PDE4B: variants seen among roughly 807,000 people sequenced by gnomAD.
PDE4B encodes phosphodiesterase 4B.
Under a neutral mutation model 82.2 loss-of-function variants are expected in PDE4B, and 20 were observed. The ratio of observed to expected loss-of-function variants is 0.24; its 90% confidence interval spans 0.17 to 0.35. PDE4B has a LOEUF of 0.35. PDE4B is among the 10% of genes least tolerant of loss of function. The pLI is 1.00. For synonymous variants in PDE4B, 320 were observed against 318.9 expected, an observed-to-expected ratio of 1.00 and a Z score of -0.04; for missense variants, 655 against 907.2, an observed-to-expected ratio of 0.72 and a Z score of 3.57.
At chr1:66,345,068 G>A (rs492040) in intron 8 of PDE4B, among the ~76,000 whole-genome samples, 2,000 of 152,192 alleles carry the variant, frequency 0.013, 33 homozygotes, top group African/African-American at 0.046. Context: ...CTGTGTTCTC[G>A]TATGACACTC....
intron 1 of PDE4B, among the ~76,000 whole-genome samples, chr1:65,801,463 A>G (rs1645694042): frequency 6.6e-6 from 1 of 152,174 alleles, no homozygotes; most frequent in Non-Finnish European, 1.5e-5. Context: ...CTACAGATCT[A>G]TGTAATTACT....
At chr1:66,363,907 A>T (rs1048825648) in intron 12 of PDE4B, among the ~76,000 whole-genome samples, 3 of 152,224 alleles carry the variant, frequency 2.0e-5, no homozygotes, top group Non-Finnish European at 4.4e-5. Flanking sequence ...AGCTATTTAT[A>T]AAAAATGAAT....
At chr1:66,189,937 G>T (rs999183971) in intron 3 of PDE4B, among the ~76,000 whole-genome samples, 7 of 152,214 alleles carry the variant, frequency 4.6e-5, no homozygotes, top group Middle Eastern at 3.4e-3. Flanking sequence ...CAGTTTTTCT[G>T]CTCTGTTTTT....
At chr1:66,117,129 A>G (rs1443788155) in intron 3 of PDE4B, among the ~76,000 whole-genome samples, 2 of 152,206 alleles carry the variant, frequency 1.3e-5, no homozygotes, top group Admixed American at 6.5e-5. Context: ...AGAAAAACAG[A>G]CATTCAGGAA....
intron 3 of PDE4B, among the ~76,000 whole-genome samples, chr1:66,205,609 T>A (rs1262563963): frequency 6.6e-6 from 1 of 152,244 alleles, no homozygotes; most frequent in African/African-American, 2.4e-5. Context: ...TTATTCACTC[T>A]CACAATAGAA....
chr1:66,164,347 C>G (rs1646676341), intron 3 of PDE4B, among the ~76,000 whole-genome samples: 1 of 151,546 alleles, frequency 6.6e-6, no homozygotes, highest in South Asian at 2.1e-4. Context: ...CCAGCCTGGC[C>G]AACATGGTGA....
Position 66,007,866 on chromosome 1 carries a change from A to G in PDE4B, c.281+89031A>G, listed in dbSNP as rs780091360. The stretch of plus-strand genomic sequence containing the variant: ...AGTTGAGACTCAGGAAGGTCGATTA[A>G]TTGATACCAGGTAAACAAGCTACAA... On this transcript the variant is annotated intron_variant, in intron 3 of 16. Coordinates refer to ENST00000341517, the MANE Select transcript of PDE4B (RefSeq NM_002600.4). Among the ~76,000 whole-genome samples the G allele has an allele frequency of 2.0e-5, 3 of 152,298 alleles. No individual in the cohort carries two copies. The East Asian group carries it at 5.8e-4, about 29-fold the overall frequency.
At chr1:66,201,134 A>G (rs1350507122) in intron 3 of PDE4B, among the ~76,000 whole-genome samples, 1 of 152,146 alleles carries the variant, frequency 6.6e-6, no homozygotes, top group African/African-American at 2.4e-5. Flanking sequence ...TTCTGTTTAT[A>G]TGCTGGATTA....
In PDE4B at chr1:66,113,904, C is replaced by T. The variant is rs80128650; in HGVS notation, c.282-133556C>T. Among the ~76,000 whole-genome samples, 1,485 of 152,280 alleles carry T rather than the reference C, an allele frequency of 9.8e-3. 33 individuals are homozygous for T. The highest frequency in any genetic ancestry group is 0.034 in the African/African-American group (1,418 of 41,556). The stretch of plus-strand genomic sequence containing the variant: ...CTTAAGCTAGGCTCTGTGCTAAGAA[C>T]ATTATGTGCATAAGGTCATTTAATC... On this transcript the variant is annotated intron_variant, in intron 3 of 16. Transcript: ENST00000341517.
chr1:65,903,095 T>C (rs180947847), intron 1 of PDE4B, among the ~76,000 whole-genome samples: 1 of 152,318 alleles, frequency 6.6e-6, no homozygotes, highest in Non-Finnish European at 1.5e-5. Context: ...AGACATTTTA[T>C]GGAAGTGGGT....
chr1:66,180,334 A>G (rs936336787), intron 3 of PDE4B, among the ~76,000 whole-genome samples: 2 of 152,256 alleles, frequency 1.3e-5, no homozygotes, highest in Non-Finnish European at 2.9e-5. Flanking sequence ...ACATCAGGAA[A>G]GTAAAGTTAG....
intron 3 of PDE4B, among the ~76,000 whole-genome samples, chr1:65,968,818 G>A (rs1649983848): frequency 6.6e-6 from 1 of 152,002 alleles, no homozygotes; most frequent in African/African-American, 2.4e-5. Context: ...ACCGTTTGAA[G>A]GAATGCTTCA....
At chr1:66,163,462 T>C (rs56033038) in intron 3 of PDE4B, among the ~76,000 whole-genome samples, 1 of 152,008 alleles carries the variant, frequency 6.6e-6, no homozygotes, top group Non-Finnish European at 1.5e-5. Context: ...CTCTTATAAT[T>C]ATTTGTATTA....
intron 3 of PDE4B, among the ~76,000 whole-genome samples, chr1:66,008,730 G>A (rs1652297087): frequency 6.6e-6 from 1 of 151,898 alleles, no homozygotes; most frequent in South Asian, 2.1e-4. Flanking sequence ...CACTAAAAGT[G>A]TTCTTCCTGA....
chr1:66,292,229 A>G (rs1057049845), intron 7 of PDE4B, among the ~76,000 whole-genome samples: 5 of 152,212 alleles, frequency 3.3e-5, no homozygotes, highest in Non-Finnish European at 5.9e-5. Flanking sequence ...TACAATAGTA[A>G]TAATAGCCAA....
chr1:66,194,883 G>T (rs141232047), intron 3 of PDE4B, among the ~76,000 whole-genome samples: 1 of 152,018 alleles, frequency 6.6e-6, no homozygotes, highest in East Asian at 1.9e-4. Flanking sequence ...TTACTGAAAG[G>T]TTGCTCGTGA....
intron 3 of PDE4B, among the ~76,000 whole-genome samples, chr1:66,022,832 T>C (rs1653213031): frequency 6.6e-6 from 1 of 152,218 alleles, no homozygotes; most frequent in South Asian, 2.1e-4. Context: ...TAAAATGAAT[T>C]AGGGAGGATT....
intron 1 of PDE4B, among the ~76,000 whole-genome samples, chr1:65,860,903 T>C (rs1379207915): frequency 6.6e-6 from 1 of 152,222 alleles, no homozygotes; most frequent in Non-Finnish European, 1.5e-5. Flanking sequence ...CATTTGTTTT[T>C]TTCTTGTAAA....
At chr1:66,264,039 C>A (rs1012261743) in intron 6 of PDE4B, among the ~76,000 whole-genome samples, 1 of 152,192 alleles carries the variant, frequency 6.6e-6, no homozygotes. Flanking sequence ...AAGTTGTTCC[C>A]TGCTCACATA....
Sources: gnomAD v4.1 joint callset for allele counts (sites outside exome capture counted in the v4.1 genomes callset) on GRCh38, gnomAD v4.1.1 for gene constraint, MANE v1.5 for transcripts, NCBI Gene and HGNC (gene_info 2026-07-23, HGNC 2026-07-21) for gene names.